GNAQ: variants seen among roughly 807,000 people sequenced by gnomAD.
GNAQ encodes guanine nucleotide-binding protein G(q) subunit alpha.
GNAQ carries 8 observed loss-of-function variants against 43.9 expected under a neutral mutation model. The ratio of observed to expected loss-of-function variants is 0.18; its 90% CI spans 0.11 to 0.33. The LOEUF (loss-of-function observed/expected upper bound fraction) is 0.33. Among genes scored for constraint, GNAQ ranks in the 10% least tolerant of loss-of-function variants. GNAQ has a pLI of 1.00. For synonymous variants in GNAQ, 155 were observed against 170.7 expected, an observed-to-expected ratio of 0.91 and a Z score of 0.71; for missense variants, 158 against 450.8, an observed-to-expected ratio of 0.35 and a Z score of 5.88.
At chr9:77,897,354 TA>T (rs1828521159) in intron 2 of GNAQ, among the ~76,000 whole-genome samples, 1 of 152,208 alleles carries the variant, frequency 6.6e-6, no homozygotes, top group Non-Finnish European at 1.5e-5. Flanking sequence ...GCACAGCTAT[TA>T]AATCTTTGCT....
intron 2 of GNAQ, among the ~76,000 whole-genome samples, chr9:77,844,292 G>C (rs1827544160): frequency 6.6e-6 from 1 of 152,144 alleles, no homozygotes; most frequent in Non-Finnish European, 1.5e-5. Context: ...ACGTCAAATT[G>C]AAAGAGGCCA....
intron 1 of GNAQ, among the ~76,000 whole-genome samples, chr9:77,965,129 A>G (rs571953861): frequency 6.6e-4 from 100 of 152,134 alleles, no homozygotes; most frequent in Non-Finnish European, 1.3e-3. Flanking sequence ...TTTTTACTTT[A>G]CTCTGAATTA....
chr9:78,000,367 C>T (rs561499369), intron 1 of GNAQ, among the ~76,000 whole-genome samples: 2 of 152,280 alleles, frequency 1.3e-5, no homozygotes, highest in Non-Finnish European at 2.9e-5. Context: ...TGTCTACACA[C>T]ATATCATTAA....
intron 2 of GNAQ, among the ~76,000 whole-genome samples, chr9:77,875,609 A>G (rs547442968): frequency 4.7e-4 from 72 of 152,328 alleles, no homozygotes; most frequent in African/African-American, 1.5e-3. Flanking sequence ...TAATGCCACT[A>G]AAGAGCTTCA....
intron 1 of GNAQ, among the ~76,000 whole-genome samples, chr9:77,981,747 G>A (rs1279572358): frequency 6.6e-6 from 1 of 152,088 alleles, no homozygotes; most frequent in Non-Finnish European, 1.5e-5. Flanking sequence ...CATGTCTCAA[G>A]AACTCATTAA....
chr9:77,782,808 C>T (rs1229016254), intron 5 of GNAQ, among the ~76,000 whole-genome samples: 2 of 152,096 alleles, frequency 1.3e-5, no homozygotes, highest in African/African-American at 4.8e-5. Context: ...TATTTCAGTA[C>T]CAAAAAGTAA....
intron 5 of GNAQ, among the ~76,000 whole-genome samples, chr9:77,778,907 A>C (rs1213508498): frequency 1.3e-5 from 2 of 151,970 alleles, no homozygotes; most frequent in Non-Finnish European, 2.9e-5. Context: ...ATCCCTAACA[A>C]AAGAGCATCA....
chr9:77,900,355 A>G (rs996538563), intron 2 of GNAQ, among the ~76,000 whole-genome samples: 2 of 152,230 alleles, frequency 1.3e-5, no homozygotes, highest in Non-Finnish European at 2.9e-5. Context: ...GCTTATTGCT[A>G]AAATGAGATT....
chr9:77,752,173 T>A (rs958880680), intron 5 of GNAQ, among the ~76,000 whole-genome samples: 3 of 152,188 alleles, frequency 2.0e-5, no homozygotes, highest in Non-Finnish European at 4.4e-5. Context: ...GTCAAACAGA[T>A]AATAAAACAA....
At chr9:77,751,986 C>A (rs1042132797) in intron 5 of GNAQ, among the ~76,000 whole-genome samples, 1 of 152,220 alleles carries the variant, frequency 6.6e-6, no homozygotes, top group Admixed American at 6.5e-5. Context: ...TGCTCATGTT[C>A]AGGCTGTGTG....
chr9:77,866,863 G>A (rs1209436196), intron 2 of GNAQ, among the ~76,000 whole-genome samples: 1 of 152,112 alleles, frequency 6.6e-6, no homozygotes, highest in African/African-American at 2.4e-5. Flanking sequence ...TCGTCATCTG[G>A]AGTTTATTAT....
chr9:77,882,546 T>C (rs946736918), intron 2 of GNAQ, among the ~76,000 whole-genome samples: 1 of 152,232 alleles, frequency 6.6e-6, no homozygotes, highest in Non-Finnish European at 1.5e-5. Flanking sequence ...GGGTTGATTA[T>C]GCGAGCTGTT....
chr9:77,973,474 T>G (rs146137657), intron 1 of GNAQ, among the ~76,000 whole-genome samples: 1 of 152,028 alleles, frequency 6.6e-6, no homozygotes, highest in Admixed American at 6.5e-5. Flanking sequence ...TTAGGAAGAG[T>G]TCACAACCAC....
At chr9:77,864,303 C>T (rs1368900273) in intron 2 of GNAQ, among the ~76,000 whole-genome samples, 1 of 152,078 alleles carries the variant, frequency 6.6e-6, no homozygotes, top group African/African-American at 2.4e-5. Flanking sequence ...CATTAGGCTC[C>T]ACCTCCAACA....
intron 1 of GNAQ, among the ~76,000 whole-genome samples, chr9:77,975,154 C>T (rs538172150): frequency 5.4e-4 from 83 of 152,334 alleles, no homozygotes; most frequent in African/African-American, 2.0e-3. Flanking sequence ...AGTAACTCAA[C>T]ACTTTTTTGG....
At chr9:77,920,915 G>A (rs971996316) in intron 2 of GNAQ, among the ~76,000 whole-genome samples, 7 of 152,150 alleles carry the variant, frequency 4.6e-5, no homozygotes, top group Non-Finnish European at 8.8e-5. Context: ...CAGAGGCAAA[G>A]GTATACAGAA....
chr9:77,794,340 C>G, intron 5 of GNAQ, 123 bp downstream of exon 5: 4 of 625,288 alleles, frequency 6.4e-6, no homozygotes, highest in Non-Finnish European at 1.0e-5. Flanking sequence ...TTTAAAAGTC[C>G]TAAAATCAAA....
intron 2 of GNAQ, among the ~76,000 whole-genome samples, chr9:77,874,117 CAA>C (rs1384066782): frequency 2.7e-4 from 35 of 130,944 alleles, no homozygotes; most frequent in African/African-American, 1.1e-3. Flanking sequence ...AAAAAAAAAA[CAA>C]AAAAACAAAA....
At chr9:77,863,203 GAA>G (rs2117986447) in intron 2 of GNAQ, among the ~76,000 whole-genome samples, 1 of 150,814 alleles carries the variant, frequency 6.6e-6, no homozygotes, top group African/African-American at 2.4e-5. Flanking sequence ...AGGAAGGAAG[GAA>G]GGAAGGAAGG....
Sources: gnomAD v4.1 joint callset for allele counts (sites outside exome capture counted in the v4.1 genomes callset) on GRCh38, gnomAD v4.1.1 for gene constraint, MANE v1.5 for transcripts, NCBI Gene and HGNC (gene_info 2026-07-23, HGNC 2026-07-21) for gene names.